ZMYM2: variants seen among roughly 807,000 people sequenced by gnomAD.
The protein encoded by ZMYM2 is zinc finger MYM-type protein 2.
A neutral mutation model predicts 162.8 loss-of-function variants in ZMYM2; 56 were observed. The ratio of observed to expected loss-of-function variants is 0.34; its 90% CI spans 0.28 to 0.43. The LOEUF is 0.43. Among genes scored for constraint, ZMYM2 ranks in the 20% least tolerant of loss-of-function variants. The probability of loss-of-function intolerance (pLI) is 1.00; values close to 1 mark genes in which losing one functional copy is unlikely to be tolerated. For missense variants in ZMYM2, 1,275 were observed against 1,621.8 expected (o/e 0.79, Z 3.67); for synonymous variants, 510 against 541.6 (o/e 0.94, Z 0.81).
At chr13:20,039,094 A>G (rs918462236) in intron 12 of ZMYM2, among the ~76,000 whole-genome samples, 11 of 152,136 alleles carry the variant, frequency 7.2e-5, no homozygotes, top group Non-Finnish European at 1.3e-4. Flanking sequence ...TTGTTGGCAT[A>G]CAGAAAAGCT....
At chr13:20,058,985 T>C (rs1956025547) in intron 15 of ZMYM2, 2 of 489,896 alleles carry the variant, frequency 4.1e-6, no homozygotes, top group Non-Finnish European at 7.5e-6. Context: ...ACTAAAATTA[T>C]AATGCTTCCT....
rs1489534653 is a variant in ZMYM2 at position 20,051,484 on chromosome 13, C to G, written c.2344C>G (p.Gln782Glu). 3 of 1,613,394 alleles carry G rather than the reference C, an allele frequency of 1.9e-6. No homozygotes were observed. The Admixed American group carries it at 5.0e-5, about 27-fold the overall frequency. ...KSQGTLKERVQWRGEMKHFCD... is the reference protein window; with the variant it reads ...KSQGTLKERVEWRGEMKHFCD... ...TCAAGGAACTCTTAAAGAGCGAGTT[C>G]AGTGGCGTGGGGAAATGAAACATTT... The change falls in exon 13 of 25, where the codon CAG becomes GAG. Residue 782 changes from glutamine to glutamate, a missense_variant. By Grantham distance (29) the Gln-to-Glu change is conservative (BLOSUM62 2). Coordinates refer to ENST00000610343, the MANE Select transcript of ZMYM2 (RefSeq NM_197968.4).
chr13:20,044,748 T>G (rs932568797), intron 12 of ZMYM2, among the ~76,000 whole-genome samples: 6 of 151,998 alleles, frequency 3.9e-5, no homozygotes, highest in African/African-American at 1.4e-4. Context: ...GTGGGTACAG[T>G]TGTAAAGCAT....
the ZMYM2 span, among the ~76,000 whole-genome samples, chr13:19,920,736 GTGTA>G: frequency 0.031 from 4,590 of 149,918 alleles, 155 homozygotes; most frequent in African/African-American, 0.077. Context: ...TCATTTATGT[GTGTA>G]TGTATGTATG....
rs557547200 is a variant in ZMYM2, at chr13:20,086,023, G to A, written c.*9G>A. On this transcript the variant is annotated 3_prime_UTR_variant, in exon 25 of 25. Coordinates refer to ENST00000610343, the MANE Select transcript of ZMYM2 (RefSeq NM_197968.4). Reference sequence around the variant, plus strand: ...ATGAAGACACAGACTAAAAAGGAACGTTGCAGAAGCAATCGGGATAAAACA... The same window carrying A: ...ATGAAGACACAGACTAAAAAGGAACATTGCAGAAGCAATCGGGATAAAACA... The A allele has an allele frequency of 3.4e-5, 55 of 1,611,450 alleles. No homozygotes were observed. In the East Asian group the frequency reaches 6.2e-4, roughly 18 times the overall value.
At chr13:20,036,974 A>G (rs1040727300) in intron 12 of ZMYM2, 65 bp downstream of exon 12, 1 of 1,412,034 alleles carries the variant, frequency 7.1e-7, no homozygotes, top group Non-Finnish European at 9.4e-7. Context: ...AGCTGTTACC[A>G]TTACAAATCT....
At chr13:20,072,932 A>C (rs1182084384) in intron 21 of ZMYM2, among the ~76,000 whole-genome samples, 1 of 150,798 alleles carries the variant, frequency 6.6e-6, no homozygotes, top group East Asian at 1.9e-4. Flanking sequence ...TTTTTGAGAC[A>C]AAGTCTCACT....
chr13:19,985,588 A>G (rs994556619), intron 2 of ZMYM2, among the ~76,000 whole-genome samples: 1 of 152,086 alleles, frequency 6.6e-6, no homozygotes, highest in Non-Finnish European at 1.5e-5. Flanking sequence ...CTGTAATCCC[A>G]GCTACTCAGG....
At chr13:19,935,819 G>A in the ZMYM2 span, among the ~76,000 whole-genome samples, 6,984 of 152,148 alleles carry the variant, frequency 0.046, 192 homozygotes, top group South Asian at 0.091. Flanking sequence ...TAAGCCACAA[G>A]TCTCAATTAT....
chr13:19,923,022 C>CA, the ZMYM2 span, among the ~76,000 whole-genome samples: 1,706 of 94,440 alleles, frequency 0.018, 23 homozygotes, highest in Middle Eastern at 0.048. Context: ...GACTCCATCT[C>CA]AAAAAAAAAA....
intron 2 of ZMYM2, among the ~76,000 whole-genome samples, chr13:19,970,774 G>A (rs944792718): frequency 2.0e-5 from 3 of 152,132 alleles, no homozygotes; most frequent in African/African-American, 7.2e-5. Context: ...GGGGGTTACA[G>A]ATTACAAATC....
chr13:19,965,367 C>A, intron 2 of ZMYM2: 1 of 687,142 alleles, frequency 1.5e-6, no homozygotes, highest in Non-Finnish European at 2.1e-6. Context: ...GTTTTATAAT[C>A]ATTCATTTCA....
At chr13:19,953,502 G>A in the ZMYM2 span, among the ~76,000 whole-genome samples, 6 of 151,914 alleles carry the variant, frequency 3.9e-5, no homozygotes, top group African/African-American at 1.5e-4. Flanking sequence ...GGCCAACATG[G>A]TGAAACCCTG....
the ZMYM2 span, among the ~76,000 whole-genome samples, chr13:19,889,091 A>T: frequency 6.6e-6 from 1 of 151,956 alleles, no homozygotes; most frequent in African/African-American, 2.4e-5. Flanking sequence ...TGGAACCCTT[A>T]TCTTTCCTTT....
intron 6 of ZMYM2, among the ~76,000 whole-genome samples, chr13:20,014,726 C>T (rs1240466115): frequency 1.4e-5 from 2 of 147,394 alleles, no homozygotes; most frequent in African/African-American, 2.5e-5. Flanking sequence ...TCGTCTTTTT[C>T]CTCAAGGTGG....
chr13:19,940,576 A>G, the ZMYM2 span, among the ~76,000 whole-genome samples: 1 of 152,186 alleles, frequency 6.6e-6, no homozygotes, highest in Non-Finnish European at 1.5e-5. Flanking sequence ...TCTTAAGTAA[A>G]CTAGTCTCAA....
At chr13:20,073,547 T>A (rs760975796) in intron 21 of ZMYM2, among the ~76,000 whole-genome samples, 1 of 152,324 alleles carries the variant, frequency 6.6e-6, no homozygotes, top group Non-Finnish European at 1.5e-5. Flanking sequence ...TCCAGTTTCT[T>A]AAGATGTAAG....
At chr13:19,910,416 TG>T in the ZMYM2 span, among the ~76,000 whole-genome samples, 2 of 152,098 alleles carry the variant, frequency 1.3e-5, no homozygotes, top group Non-Finnish European at 2.9e-5. Flanking sequence ...CTCGGTTTAC[TG>T]AAGGGAAAGG....
chr13:19,976,906 A>C lies in ZMYM2; in HGVS notation c.-10-16157A>C, dbSNP rs149504441. On this transcript the variant is annotated intron_variant, in intron 2 of 24. Transcript: ENST00000610343. Reference sequence around the variant, plus strand: ...GCTATTATCATAGAGTTTTGTGTCTATCTCTCCTTTTAATTCTGGTAATTT... The same window carrying C: ...GCTATTATCATAGAGTTTTGTGTCTCTCTCTCCTTTTAATTCTGGTAATTT... 4.6e-3 allele frequency among the ~76,000 whole-genome samples: 701 copies of C among 152,214 alleles called. 6 individuals are homozygous for C. Among genetic ancestry groups the C allele is most frequent in the African/African-American group, 0.016 (670 of 41,530 alleles).
Sources: gnomAD v4.1 joint callset for allele counts (sites outside exome capture counted in the v4.1 genomes callset) on GRCh38, gnomAD v4.1.1 for gene constraint, MANE v1.5 for transcripts, NCBI Gene and HGNC (gene_info 2026-07-23, HGNC 2026-07-21) for gene names.